FOXP2: variants seen among roughly 807,000 people sequenced by gnomAD.
FOXP2 encodes forkhead box P2.
Under a neutral mutation model 115.8 loss-of-function variants are expected in FOXP2, and 12 were observed. That is an observed-to-expected ratio of 0.10 (90% CI 0.07 to 0.17). The LOEUF (loss-of-function observed/expected upper bound fraction) is 0.17. Among genes scored for constraint, FOXP2 ranks in the 10% least tolerant of loss-of-function variants. The probability of loss-of-function intolerance (pLI) is 1.00; values close to 1 mark genes in which losing one functional copy is unlikely to be tolerated. For synonymous variants in FOXP2, 328 were observed against 297.7 expected (o/e 1.10, Z -1.05); for missense variants, 629 against 843.5 (o/e 0.75, Z 3.15).
At chr7:114,223,402 TG>T (rs1343405902) in intron 1 of FOXP2, among the ~76,000 whole-genome samples, 3 of 150,104 alleles carry the variant, frequency 2.0e-5, no homozygotes, top group Non-Finnish European at 4.5e-5. Flanking sequence ...TGGATATTCA[TG>T]TTTTTTTTGT....
At chr7:114,654,054 T>C in intron 10 of FOXP2, 45 bp downstream of exon 10, 1 of 1,612,348 alleles carries the variant, frequency 6.2e-7, no homozygotes, top group Non-Finnish European at 8.5e-7. Flanking sequence ...TCTACCAATG[T>C]AACAGACTAA....
chr7:114,088,924 A>G (rs1268727215), intron 1 of FOXP2, among the ~76,000 whole-genome samples: 1 of 152,198 alleles, frequency 6.6e-6, no homozygotes, highest in Non-Finnish European at 1.5e-5. Context: ...TATCAGTTTT[A>G]GAGCTTTTTT....
At chr7:114,350,405 A>G (rs1791455597) in intron 2 of FOXP2, among the ~76,000 whole-genome samples, 1 of 152,066 alleles carries the variant, frequency 6.6e-6, no homozygotes, top group Non-Finnish European at 1.5e-5. Flanking sequence ...GTGCGGATGT[A>G]TTATATTTAT....
At chr7:114,092,621 C>CA (rs1464948616) in intron 1 of FOXP2, among the ~76,000 whole-genome samples, 52 of 151,968 alleles carry the variant, frequency 3.4e-4, no homozygotes, top group Non-Finnish European at 1.5e-5. Flanking sequence ...TTCTCACTGG[C>CA]AGATAGTGAG....
intron 2 of FOXP2, among the ~76,000 whole-genome samples, chr7:114,293,754 T>C (rs963311643): frequency 2.6e-4 from 40 of 152,294 alleles, no homozygotes; most frequent in Middle Eastern, 3.4e-3. Flanking sequence ...AGAAGTGCCT[T>C]CTGCCACTAT....
At chr7:114,196,576 C>T (rs568592966) in intron 1 of FOXP2, among the ~76,000 whole-genome samples, 1 of 152,110 alleles carries the variant, frequency 6.6e-6, no homozygotes, top group Admixed American at 6.6e-5. Flanking sequence ...TCTTAGTGTT[C>T]TTAATAGACT....
intron 2 of FOXP2, chr7:114,499,674 G>T (rs1486119583): frequency 6.6e-6 from 1 of 152,098 alleles, no homozygotes; most frequent in African/African-American, 2.4e-5. Flanking sequence ...TGACTGTCCT[G>T]ATTCTAAAAC....
intron 2 of FOXP2, among the ~76,000 whole-genome samples, chr7:114,491,095 T>C (rs983551175): frequency 1.3e-4 from 20 of 152,212 alleles, no homozygotes; most frequent in Non-Finnish European, 2.6e-4. Flanking sequence ...ACTTCCACAA[T>C]GGTTGAACTA....
At chr7:114,646,833 A>C (rs1044857381) in intron 8 of FOXP2, among the ~76,000 whole-genome samples, 1 of 151,972 alleles carries the variant, frequency 6.6e-6, no homozygotes, top group Non-Finnish European at 1.5e-5. Flanking sequence ...ATTCAAAAAA[A>C]GTTTATTTAG....
intron 3 of FOXP2, among the ~76,000 whole-genome samples, chr7:114,621,389 A>C (rs150949713): frequency 6.6e-6 from 1 of 152,080 alleles, no homozygotes; most frequent in Non-Finnish European, 1.5e-5. Context: ...AGATGCATAC[A>C]TTACTATTGT....
intron 3 of FOXP2, among the ~76,000 whole-genome samples, chr7:114,574,765 C>T (rs1467282803): frequency 1.3e-5 from 2 of 151,870 alleles, no homozygotes; most frequent in Admixed American, 6.6e-5. Flanking sequence ...ATGTGGAATG[C>T]TTAGGGTCTT....
intron 2 of FOXP2, among the ~76,000 whole-genome samples, chr7:114,347,846 T>C (rs1791384129): frequency 6.6e-6 from 1 of 152,002 alleles, no homozygotes; most frequent in South Asian, 2.1e-4. Flanking sequence ...AATTCCTATT[T>C]GGTTAATATA....
At chr7:114,558,400 A>C (rs1800574735) in intron 3 of FOXP2, among the ~76,000 whole-genome samples, 1 of 152,214 alleles carries the variant, frequency 6.6e-6, no homozygotes, top group Non-Finnish European at 1.5e-5. Context: ...ATCCTCCAAG[A>C]GAAAAGACAG....
At chr7:114,378,725 A>T (rs1399213217) in intron 2 of FOXP2, among the ~76,000 whole-genome samples, 1 of 148,460 alleles carries the variant, frequency 6.7e-6, no homozygotes, top group Non-Finnish European at 1.5e-5. Flanking sequence ...AAAGAAAGTG[A>T]AAAAGAAAAT....
chr7:114,314,792 G>C (rs1288982793), intron 2 of FOXP2, among the ~76,000 whole-genome samples: 1 of 152,126 alleles, frequency 6.6e-6, no homozygotes, highest in African/African-American at 2.4e-5. Context: ...GATTTTCTTT[G>C]TAATGTGTTG....
chr7:114,209,471 G>T (rs1312939818), intron 1 of FOXP2, among the ~76,000 whole-genome samples: 1 of 152,116 alleles, frequency 6.6e-6, no homozygotes, highest in Non-Finnish European at 1.5e-5. Flanking sequence ...GTTGAATATT[G>T]GCCCCTAATG....
At chr7:114,412,387 AG>A (rs1333200721), upstream of FOXP2, among the ~76,000 whole-genome samples, 1 of 152,158 alleles carries the variant, frequency 6.6e-6, no homozygotes, top group African/African-American at 2.4e-5. Context: ...AGTTATTTCC[AG>A]GTGATATCGA....
At chr7:114,641,397 A>G (rs1017105697) in intron 6 of FOXP2, among the ~76,000 whole-genome samples, 5 of 152,334 alleles carry the variant, frequency 3.3e-5, no homozygotes, top group African/African-American at 7.2e-5. Flanking sequence ...CATAACCTGA[A>G]TCAGGGAATT....
chr7:114,334,881 G>C (rs1233529518), intron 2 of FOXP2, among the ~76,000 whole-genome samples: 1 of 140,404 alleles, frequency 7.1e-6, no homozygotes, highest in African/African-American at 2.7e-5. Context: ...TTAAATAAAG[G>C]ATATCTCTGT....
Sources: gnomAD v4.1 joint callset for allele counts (sites outside exome capture counted in the v4.1 genomes callset) on GRCh38, gnomAD v4.1.1 for gene constraint, MANE v1.5 for transcripts, NCBI Gene and HGNC (gene_info 2026-07-23, HGNC 2026-07-21) for gene names.